The following ANHX variants were observed in gnomAD, a reference collection of about 807,000 sequenced individuals.
The protein encoded by ANHX is anomalous homeobox protein.
ANHX carries 20 observed loss-of-function variants against 38.9 expected under a neutral mutation model. The ratio of observed to expected loss-of-function variants is 0.51; its 90% confidence interval spans 0.36 to 0.75. The LOEUF (loss-of-function observed/expected upper bound fraction) is 0.75. ANHX is among the 30% of genes least tolerant of loss of function. The pLI is 0.00. For synonymous variants in ANHX, 185 were observed against 203.1 expected (o/e 0.91, Z 0.76); for missense variants, 475 against 493.1 (o/e 0.96, Z 0.35).
At chr12:133,226,180 C>T (rs1957186001) in intron 6 of ANHX, 138 bp downstream of exon 6, 2 of 1,381,664 alleles carry the variant, frequency 1.4e-6, no homozygotes, top group East Asian at 2.5e-5. Flanking sequence ...CTGGTGGCTT[C>T]CCTCTCCCTG....
At position 133,218,524 on chromosome 12, in the gene ANHX, C is replaced by T. The variant is rs2135544240; in HGVS notation, c.*361G>A. On this transcript the variant is annotated 3_prime_UTR_variant, in exon 10 of 10. Coordinates refer to ENST00000545940, the MANE Select transcript of ANHX (RefSeq NM_001372060.1). ...CAGTTAACTTGGTGGAAAAGTCTGG[C>T]TGTGTGCACGGGCAGACGGCAAGGC... 5.8e-6 allele frequency: 1 copy of T among 172,486 alleles called. No homozygotes were observed. The highest frequency in any genetic ancestry group is 2.4e-5 in the African/African-American group (1 of 42,304). 10.7% of individuals were successfully genotyped at this position (172,486 alleles called of 1,614,324 possible). A position where few individuals can be genotyped will look rare whatever the true frequency, so the allele number is the denominator to read the frequency against.
rs189141034 is a variant in ANHX, at chr12:133,232,593, C to T, written c.250-949G>A. Among the ~76,000 whole-genome samples the T allele has an allele frequency of 1.1e-4, 16 of 152,260 alleles. No individual in the cohort carries two copies. The East Asian group carries it at 1.7e-3, about 17-fold the overall frequency. ...CCCTGCACAGGCTGGGGTTGCCACC[C>T]GTTCTTGATGTGGTGGTCCCTTCAT... On this transcript the variant is annotated intron_variant, in intron 2 of 9. Coordinates refer to ENST00000545940, the MANE Select transcript of ANHX (RefSeq NM_001372060.1).
At chr12:133,235,716 A>ACCCCCG (rs1957368639) in intron 1 of ANHX, 91 bp downstream of exon 1, 2 of 64,470 alleles carry the variant, frequency 3.1e-5, no homozygotes, top group African/African-American at 6.3e-5. Context: ...ACCCTCTGGG[A>ACCCCCG]CCCCCGCCCC....
Position 133,227,094 on chromosome 12 carries a change from T to C in ANHX, c.560A>G (p.Asn187Ser), listed in dbSNP as rs1957200380. 2 of 1,536,018 alleles carry C rather than the reference T, an allele frequency of 1.3e-6. No homozygotes were observed. Among genetic ancestry groups the C allele is most frequent in the Non-Finnish European group, 1.7e-6 (2 of 1,146,852 alleles). The change falls in exon 5 of 10, where the codon AAT becomes AGT. Residue 187 changes from asparagine to serine, a missense_variant. Coordinates refer to ENST00000545940, the MANE Select transcript of ANHX (RefSeq NM_001372060.1). The stretch of plus-strand genomic sequence containing the variant: ...AAGGGCTCTTTGGCGGCGCCGGTAA[T>C]TGGCAAACCAGTTGTACACCTGCTC... ...TPEQVYNWFA[N>S]YRRRQRALPQ... is the part of the protein sequence containing the mutation.
intron 7 of ANHX, among the ~76,000 whole-genome samples, chr12:133,222,423 A>C (rs1282649563): frequency 1.3e-5 from 2 of 152,128 alleles, no homozygotes; most frequent in Non-Finnish European, 2.9e-5. Flanking sequence ...AGCAGCAGGG[A>C]ACCCGAAGGC....
chr12:133,225,326 C>CACAT (rs986332704), intron 7 of ANHX, among the ~76,000 whole-genome samples: 6 of 147,498 alleles, frequency 4.1e-5, no homozygotes, highest in African/African-American at 1.6e-4. Context: ...CACACACACA[C>CACAT]ACACACACAC....
Position 133,224,933 on chromosome 12 carries a change from C to G in ANHX, c.1132+603G>C, listed in dbSNP as rs868666014. 6.1e-5 allele frequency among the ~76,000 whole-genome samples: 9 copies of G among 147,810 alleles called. No individual in the cohort carries two copies. In the South Asian group the frequency reaches 8.5e-4, roughly 14 times the overall value. The stretch of plus-strand genomic sequence containing the variant: ...AGTGAGCCGAGATCACGCCACTGCA[C>G]TCCAGCCTGGGTGAGCAAGACTCCG... On this transcript the variant is annotated intron_variant, in intron 7 of 9. Transcript: ENST00000545940.
At chr12:133,224,474 T>C (rs1342960168) in intron 7 of ANHX, among the ~76,000 whole-genome samples, 27 of 148,980 alleles carry the variant, frequency 1.8e-4, no homozygotes, top group Non-Finnish European at 8.9e-5. Flanking sequence ...CCAGCCTGGC[T>C]AACATGGTGA....
At chr12:133,226,841 G>A in intron 5 of ANHX, 95 bp downstream of exon 5, 1 of 1,199,308 alleles carries the variant, frequency 8.3e-7, no homozygotes, top group Non-Finnish European at 1.1e-6. Context: ...ATTGGAGGAG[G>A]GCTACCCCTG....
intron 5 of ANHX, 60 bp from the exon 6 acceptor site, chr12:133,226,498 C>T (rs576872958): frequency 6.7e-7 from 1 of 1,493,736 alleles, no homozygotes; most frequent in Non-Finnish European, 8.9e-7. Flanking sequence ...ACCTCCTTCC[C>T]ATCAGGTATG....
At chr12:133,229,923 C>T (rs1957244933) in intron 3 of ANHX, among the ~76,000 whole-genome samples, 1 of 152,162 alleles carries the variant, frequency 6.6e-6, no homozygotes, top group Non-Finnish European at 1.5e-5. Flanking sequence ...TCTCTGATCC[C>T]AAGTCTTTGA....
chr12:133,219,891 G>A (rs1272037871), intron 8 of ANHX, among the ~76,000 whole-genome samples: 1 of 152,122 alleles, frequency 6.6e-6, no homozygotes, highest in African/African-American at 2.4e-5. Flanking sequence ...GCACATCCAC[G>A]CAATGGCACG....
Position 133,231,551 on chromosome 12 carries a change from G to A in ANHX, c.343C>T (p.Leu115Phe). 1.3e-6 allele frequency: 2 copies of A among 1,536,126 alleles called. No individual in the cohort carries two copies. Among genetic ancestry groups the A allele is most frequent in the South Asian group, 1.2e-5 (1 of 84,062 alleles). The change falls in exon 3 of 10, where the codon CTC becomes TTC. Residue 115 changes from leucine to phenylalanine, a missense_variant. Transcript: ENST00000545940. ...CAGCGGAACTTCTGCACCGGGGTGAGCGCAGCCACGCCCAGCCTCCTCATG... is the reference window on the plus strand; with the variant it reads ...CAGCGGAACTTCTGCACCGGGGTGAACGCAGCCACGCCCAGCCTCCTCATG... Reference protein sequence around the residue: ...LVMRRLGVAALTPVQKFRCRK... With the variant: ...LVMRRLGVAAFTPVQKFRCRK...
chr12:133,218,769 G>T lies in ANHX; in HGVS notation c.*116C>A. 4.4e-6 allele frequency: 3 copies of T among 674,916 alleles called. No homozygotes were observed. Among genetic ancestry groups the T allele is most frequent in the Non-Finnish European group, 6.7e-6 (3 of 448,988 alleles). The allele number at this position is 674,916 out of a possible 1,614,324, so 41.8% of individuals were successfully genotyped here. A position where few individuals can be genotyped will look rare whatever the true frequency, so the allele number is the denominator to read the frequency against. On this transcript the variant is annotated 3_prime_UTR_variant, in exon 10 of 10. Coordinates refer to ENST00000545940, the MANE Select transcript of ANHX (RefSeq NM_001372060.1). The stretch of plus-strand genomic sequence containing the variant: ...CTGCTTTTCAGCAGAGCCCCCAGGG[G>T]AACTCTGGGGACCTTCATTTTGTAT...
chr12:133,231,269 G>A (rs996647211), intron 3 of ANHX, among the ~76,000 whole-genome samples: 11 of 152,228 alleles, frequency 7.2e-5, no homozygotes, highest in Non-Finnish European at 1.2e-4. Flanking sequence ...TCAGCCATCC[G>A]TTTCCAGCCA....
intron 1 of ANHX, 112 bp downstream of exon 1, chr12:133,235,695 G>GCGCGCCCCTCACCCTCTGGGACC (rs2135585517): frequency 1.9e-5 from 1 of 52,844 alleles, no homozygotes; most frequent in African/African-American, 8.7e-5. Flanking sequence ...CCCCCCGCCT[G>GCGCGCCCCTCACCCTCTGGGACC]CGCGCCCCTC....
rs953968987 is a variant in ANHX, at chr12:133,225,650, C to T, written c.1018G>A (p.Val340Ile). 6.6e-6 allele frequency among the ~76,000 whole-genome samples: 1 copy of T among 152,272 alleles called. No individual in the cohort carries two copies. The highest frequency in any genetic ancestry group is 2.4e-5 in the African/African-American group (1 of 41,480). ...ACCAGCTGCCCAGTCTGGAAGGAAA[C>T]TTCCTTGGAGGACGCCAGTGCAAGA... ...MSLALASSKE[V>I]SFQTGQLVHS... is the part of the protein sequence containing the mutation. The change falls in exon 7 of 10, where the codon GTT becomes ATT. Residue 340 changes from valine (V) to isoleucine (I), a missense_variant. Coordinates refer to ENST00000545940, the MANE Select transcript of ANHX (RefSeq NM_001372060.1).
chr12:133,232,608 G>A (rs1230667817), intron 2 of ANHX, among the ~76,000 whole-genome samples: 2 of 152,132 alleles, frequency 1.3e-5, no homozygotes, highest in African/African-American at 4.8e-5. Flanking sequence ...TTGATGTGGT[G>A]GTCCCTTCAT....
intron 2 of ANHX, among the ~76,000 whole-genome samples, chr12:133,232,814 C>T (rs533823698): frequency 3.9e-5 from 6 of 152,272 alleles, no homozygotes; most frequent in African/African-American, 1.4e-4. Context: ...GACCTGGAGC[C>T]CTGCTAGGTT....
Sources: gnomAD v4.1 joint callset for allele counts (sites outside exome capture counted in the v4.1 genomes callset) on GRCh38, gnomAD v4.1.1 for gene constraint, MANE v1.5 for transcripts, NCBI Gene and HGNC (gene_info 2026-07-23, HGNC 2026-07-21) for gene names.